KIAA1958: variants seen among roughly 807,000 people sequenced by gnomAD.
The protein encoded by KIAA1958 is uncharacterized protein KIAA1958.
A neutral mutation model predicts 47.2 loss-of-function variants in KIAA1958; 14 were observed. The ratio of observed to expected loss-of-function variants is 0.30; its 90% confidence interval spans 0.20 to 0.46. The LOEUF (loss-of-function observed/expected upper bound fraction) is 0.46. Ranked by LOEUF, KIAA1958 falls within the 20% of genes least tolerant of loss-of-function variation. The pLI, the probability that KIAA1958 is intolerant of heterozygous loss-of-function variation, is 1.00. For missense variants in KIAA1958, 803 were observed against 909.2 expected (o/e 0.88, Z 1.50); for synonymous variants, 354 against 353.3 (o/e 1.00, Z -0.02).
At chr9:112,586,975 T>C (rs1158784718) in intron 2 of KIAA1958, among the ~76,000 whole-genome samples, 1 of 152,012 alleles carries the variant, frequency 6.6e-6, no homozygotes, top group Non-Finnish European at 1.5e-5. Flanking sequence ...GCAGCCCCCT[T>C]CTCCCCACAG....
intron 1 of KIAA1958, among the ~76,000 whole-genome samples, chr9:112,492,551 A>G (rs542944246): frequency 9.9e-5 from 15 of 152,232 alleles, no homozygotes; most frequent in African/African-American, 3.6e-4. Flanking sequence ...CTACCTACCT[A>G]CATATGTACA....
At chr9:112,656,199 C>T (rs1347304029) in intron 3 of KIAA1958, among the ~76,000 whole-genome samples, 1 of 151,786 alleles carries the variant, frequency 6.6e-6, no homozygotes, top group African/African-American at 2.4e-5. Context: ...ATGGTGAAAC[C>T]CCGTTTCTAC....
At chr9:112,616,051 T>A (rs562200255) in intron 2 of KIAA1958, among the ~76,000 whole-genome samples, 1 of 152,256 alleles carries the variant, frequency 6.6e-6, no homozygotes, top group Non-Finnish European at 1.5e-5. Context: ...ACAGATGTGC[T>A]GGCCCCTTTG....
intron 1 of KIAA1958, among the ~76,000 whole-genome samples, chr9:112,512,464 A>G (rs1193930887): frequency 6.6e-6 from 1 of 152,244 alleles, no homozygotes; most frequent in African/African-American, 2.4e-5. Context: ...CTGATTAAAA[A>G]AAAAACTCTT....
intron 1 of KIAA1958, among the ~76,000 whole-genome samples, chr9:112,559,593 A>G (rs1375919442): frequency 6.6e-6 from 1 of 152,156 alleles, no homozygotes; most frequent in Non-Finnish European, 1.5e-5. Context: ...TGTTCTCTGA[A>G]ATCTGGGATC....
intron 1 of KIAA1958, among the ~76,000 whole-genome samples, chr9:112,564,850 G>T (rs1835400949): frequency 6.6e-6 from 1 of 152,126 alleles, no homozygotes; most frequent in Non-Finnish European, 1.5e-5. Context: ...ATAAATAAGA[G>T]CATGGGCTCT....
intron 1 of KIAA1958, among the ~76,000 whole-genome samples, chr9:112,569,375 A>T (rs540227245): frequency 2.6e-5 from 4 of 152,256 alleles, no homozygotes; most frequent in Admixed American, 2.6e-4. Flanking sequence ...TGTGCACATA[A>T]TTATTTTTGA....
At chr9:112,569,495 T>C (rs1835493984) in intron 1 of KIAA1958, among the ~76,000 whole-genome samples, 1 of 152,254 alleles carries the variant, frequency 6.6e-6, no homozygotes, top group Admixed American at 6.5e-5. Flanking sequence ...ATGACGCTTT[T>C]AACTGAAGTT....
chr9:112,617,400 T>C (rs1836425396), intron 2 of KIAA1958, among the ~76,000 whole-genome samples: 1 of 152,250 alleles, frequency 6.6e-6, no homozygotes, highest in Non-Finnish European at 1.5e-5. Flanking sequence ...TTTTTAGTGA[T>C]GTGTTAAAAT....
intron 2 of KIAA1958, among the ~76,000 whole-genome samples, chr9:112,631,085 A>C (rs1235225023): frequency 6.6e-6 from 1 of 152,222 alleles, no homozygotes; most frequent in African/African-American, 2.4e-5. Context: ...CAATTTATTC[A>C]TATCTTTTTG....
rs530400122 is a variant in KIAA1958 at position 112,517,347 on chromosome 9, G to A, written c.-25+30229G>A. Among the ~76,000 whole-genome samples, 238 of 152,288 alleles carry A rather than the reference G, an allele frequency of 1.6e-3. 1 individual carries two copies. Among genetic ancestry groups the A allele is most frequent in the African/African-American group, 5.6e-3 (233 of 41,568 alleles). On this transcript the variant is annotated intron_variant, in intron 1 of 3. Coordinates refer to ENST00000337530, the MANE Select transcript of KIAA1958 (RefSeq NM_133465.4). ...AGAATTGTATGTCTATATGCAAAAA[G>A]TGAATTTCATTTTATTTTTGAAAAA...
At chr9:112,488,689 A>T (rs1322775044) in intron 1 of KIAA1958, among the ~76,000 whole-genome samples, 1 of 152,226 alleles carries the variant, frequency 6.6e-6, no homozygotes, top group Non-Finnish European at 1.5e-5. Context: ...TATCATCTAA[A>T]CTTGAAGGAA....
chr9:112,604,756 C>T (rs573026657), intron 2 of KIAA1958, among the ~76,000 whole-genome samples: 1 of 152,050 alleles, frequency 6.6e-6, no homozygotes, highest in South Asian at 2.1e-4. Context: ...CAAGTGAAAG[C>T]TTGGGATGTT....
chr9:112,500,527 CA>C (rs1834116659), intron 1 of KIAA1958, among the ~76,000 whole-genome samples: 1 of 150,694 alleles, frequency 6.6e-6, no homozygotes, highest in Non-Finnish European at 1.5e-5. Context: ...TGGGCTTGAG[CA>C]ATCCTCCTGC....
intron 2 of KIAA1958, among the ~76,000 whole-genome samples, chr9:112,592,513 A>G (rs944722207): frequency 2.0e-5 from 3 of 152,238 alleles, no homozygotes; most frequent in East Asian, 1.9e-4. Flanking sequence ...AAGTCATAGT[A>G]TGTTTTAATG....
intron 3 of KIAA1958, among the ~76,000 whole-genome samples, chr9:112,652,131 G>C (rs185989824): frequency 2.6e-5 from 4 of 152,186 alleles, no homozygotes; most frequent in Admixed American, 2.6e-4. Flanking sequence ...CTCGCAAAGT[G>C]CTGGGATTAC....
intron 1 of KIAA1958, among the ~76,000 whole-genome samples, chr9:112,516,654 A>T (rs1022641842): frequency 6.6e-6 from 1 of 152,250 alleles, no homozygotes; most frequent in Non-Finnish European, 1.5e-5. Context: ...AACACATTTA[A>T]AAGAGAATAA....
intron 1 of KIAA1958, among the ~76,000 whole-genome samples, chr9:112,568,169 G>A: frequency 6.6e-6 from 1 of 152,092 alleles, no homozygotes; most frequent in Non-Finnish European, 1.5e-5. Flanking sequence ...ACTAATGACA[G>A]TTTCATGGGT....
intron 1 of KIAA1958, among the ~76,000 whole-genome samples, chr9:112,528,439 C>T (rs182660036): frequency 6.6e-6 from 1 of 152,194 alleles, no homozygotes; most frequent in Non-Finnish European, 1.5e-5. Flanking sequence ...GTACCTCATA[C>T]TTAACCATTT....
Sources: gnomAD v4.1 joint callset for allele counts (sites outside exome capture counted in the v4.1 genomes callset) on GRCh38, gnomAD v4.1.1 for gene constraint, MANE v1.5 for transcripts, NCBI Gene and HGNC (gene_info 2026-07-23, HGNC 2026-07-21) for gene names.